Variants in OSBPL5 observed in about 807,000 individuals in gnomAD.
OSBPL5 encodes the protein oxysterol binding protein like 5.
OSBPL5 carries 71 observed loss-of-function variants against 111.2 expected under a neutral mutation model. That is an observed-to-expected ratio of 0.64 (90% CI 0.53 to 0.78). OSBPL5 has a LOEUF of 0.78. Ranked by LOEUF, OSBPL5 falls within the 30% of genes least tolerant of loss-of-function variation. The pLI is 0.00. For synonymous variants in OSBPL5, 549 were observed against 513.9 expected (o/e 1.07, Z -0.93); for missense variants, 1,210 against 1,189.3 (o/e 1.02, Z -0.26).
rs376324312 is a variant in OSBPL5, at chr11:3,090,545, C to T, written c.2398+13G>A. On this transcript the variant is annotated intron_variant, in intron 20 of 21. Coordinates refer to ENST00000263650, the MANE Select transcript of OSBPL5 (RefSeq NM_020896.4). ...CAGACAGAGGCCTTGGGGCTGGGCC[C>T]AAGGGGGCTCACCAGGGACAAAGTC... The T allele has an allele frequency of 2.8e-5, 45 of 1,611,404 alleles. No individual in the cohort carries two copies. The African/African-American group carries it at 5.5e-4, about 20-fold the overall frequency.
At chr11:3,138,244 C>T (rs1405827877) in intron 1 of OSBPL5, among the ~76,000 whole-genome samples, 1 of 152,230 alleles carries the variant, frequency 6.6e-6, no homozygotes, top group Non-Finnish European at 1.5e-5. Flanking sequence ...TAGTCGATCA[C>T]TCCACCAGCC....
rs1184944467 is a variant in OSBPL5 at position 3,161,879 on chromosome 11, C to A, written c.-22+3337G>T. 6.6e-6 allele frequency among the ~76,000 whole-genome samples: 1 copy of A among 151,710 alleles called. No homozygotes were observed. Among genetic ancestry groups the A allele is most frequent in the Non-Finnish European group, 1.5e-5 (1 of 67,978 alleles). Reference sequence around the variant, plus strand: ...AGATGGAGCCCACCAAATGCAGATCCAAGGAGGGGCCGAAAGCAGAGGCAC... The same window carrying A: ...AGATGGAGCCCACCAAATGCAGATCAAAGGAGGGGCCGAAAGCAGAGGCAC... On this transcript the variant is annotated intron_variant, in intron 1 of 21. Coordinates refer to ENST00000263650, the MANE Select transcript of OSBPL5 (RefSeq NM_020896.4). This position sits in a 1 kb window ranked among gnomAD's most constrained non-coding sequence, Gnocchi z 8.0.
intron 14 of OSBPL5, among the ~76,000 whole-genome samples, chr11:3,098,465 A>C (rs1375216596): frequency 8.6e-6 from 1 of 115,718 alleles, no homozygotes; most frequent in Non-Finnish European, 1.9e-5. Flanking sequence ...AGAAATCCAG[A>C]GCTATCAAGC....
intron 1 of OSBPL5, among the ~76,000 whole-genome samples, chr11:3,157,933 GCACCCTTGGGTGCCAGT>G (rs1410743946): frequency 6.6e-6 from 1 of 152,260 alleles, no homozygotes; most frequent in South Asian, 2.1e-4. Flanking sequence ...CTGGGGCCAA[GCACCCTTGGGTGCCAGT>G]CACCAACAGA....
At chr11:3,123,311 C>T (rs1020379294) in intron 3 of OSBPL5, among the ~76,000 whole-genome samples, 2 of 152,132 alleles carry the variant, frequency 1.3e-5, no homozygotes, top group African/African-American at 2.4e-5. Flanking sequence ...CCTCCTTCCG[C>T]GTGGTCTGCA....
Position 3,092,663 on chromosome 11 carries a change from G to A in OSBPL5, c.2133-105C>T, listed in dbSNP as rs1429999872. 1.4e-6 allele frequency: 2 copies of A among 1,417,744 alleles called. No individual in the cohort carries two copies. Among genetic ancestry groups the A allele is most frequent in the Non-Finnish European group, 9.4e-7 (1 of 1,064,288 alleles). The allele number at this position is 1,417,744 out of a possible 1,614,324, so 87.8% of individuals were successfully genotyped here. ...CCCAACAGTGGCCAGAGACCTCCAG[G>A]AGAATGACCACTGCCCACACCCCAT... On this transcript the variant is annotated intron_variant, in intron 18 of 21. Transcript: ENST00000263650. The surrounding 1 kb of genome is among the most constrained non-coding windows in gnomAD (Gnocchi z 5.4).
At chr11:3,090,050 C>A in intron 20 of OSBPL5, 102 bp from the exon 21 acceptor site, 2 of 834,298 alleles carry the variant, frequency 2.4e-6, no homozygotes, top group Non-Finnish European at 3.6e-6. Flanking sequence ...ATATCCAGCT[C>A]GGGCCTCCAC....
rs549324923 is a variant in OSBPL5, at chr11:3,120,550, C to A, written c.477G>T (p.Thr159=). 1 of 1,613,308 alleles carries A rather than the reference C, an allele frequency of 6.2e-7. No individual in the cohort carries two copies. The highest frequency in any genetic ancestry group is 8.5e-7 in the Non-Finnish European group (1 of 1,180,024). ...LKPGVLLIYK[T]PKVGQWVGTV... ...TGCCCACCCACTGGCCCACCTTGGG[C>A]GTCTTGTAGATGAGCAGCACCCCCG... Residue 159 remains threonine, a synonymous_variant, in exon 6 of 22, where the codon ACG becomes ACT. Transcript: ENST00000263650.
At position 3,107,757 on chromosome 11, in the gene OSBPL5, C is replaced by T. The variant is rs1430440368; in HGVS notation, c.866+14G>A. ...GTGAATCACCACCAGCCCCTGTGCC[C>T]TCGCCCCACTCACGGGAACAGGTCT... On this transcript the variant is annotated intron_variant, in intron 8 of 21. Coordinates refer to ENST00000263650, the MANE Select transcript of OSBPL5 (RefSeq NM_020896.4). This position sits in a 1 kb window ranked among gnomAD's most constrained non-coding sequence, Gnocchi z 6.1. 2 of 1,610,014 alleles carry T rather than the reference C, an allele frequency of 1.2e-6. No individual in the cohort carries two copies. Among genetic ancestry groups the T allele is most frequent in the Non-Finnish European group, 1.7e-6 (2 of 1,179,744 alleles).
At chr11:3,152,473 C>G (rs1846621217) in intron 1 of OSBPL5, among the ~76,000 whole-genome samples, 1 of 152,166 alleles carries the variant, frequency 6.6e-6, no homozygotes, top group Non-Finnish European at 1.5e-5. Flanking sequence ...GTGGGGCCCA[C>G]AGGAGAAGGC....
Position 3,105,447 on chromosome 11 carries a change from T to A in OSBPL5, c.1060-1070A>T, listed in dbSNP as rs1347217786. Among the ~76,000 whole-genome samples the A allele has an allele frequency of 1.3e-5, 2 of 152,154 alleles. No individual in the cohort carries two copies. The highest frequency in any genetic ancestry group is 3.9e-4 in the East Asian group (2 of 5,194). ...CCATGAGGGGTCATGGGGAGCCCAGTGCTGTAGCTTTGGGGCTTGGAAATC... is the reference window on the plus strand; with the variant it reads ...CCATGAGGGGTCATGGGGAGCCCAGAGCTGTAGCTTTGGGGCTTGGAAATC... On this transcript the variant is annotated intron_variant, in intron 9 of 21. Coordinates refer to ENST00000263650, the MANE Select transcript of OSBPL5 (RefSeq NM_020896.4). This position sits in a 1 kb window ranked among gnomAD's most constrained non-coding sequence, Gnocchi z 5.2.
rs1328046216 is a variant in OSBPL5 at position 3,121,545 on chromosome 11, C to T, written c.402+452G>A. Reference sequence around the variant, plus strand: ...GTTGCCCAGCAGCCTCGGAGTTGGGCAGTTTTACCTCCACTGTACACAAGG... The same window carrying T: ...GTTGCCCAGCAGCCTCGGAGTTGGGTAGTTTTACCTCCACTGTACACAAGG... On this transcript the variant is annotated intron_variant, in intron 5 of 21. Coordinates refer to ENST00000263650, the MANE Select transcript of OSBPL5 (RefSeq NM_020896.4). This position sits in a 1 kb window ranked among gnomAD's most constrained non-coding sequence, Gnocchi z 4.3. Among the ~76,000 whole-genome samples the T allele has an allele frequency of 6.6e-6, 1 of 152,064 alleles. No individual in the cohort carries two copies. Among genetic ancestry groups the T allele is most frequent in the Non-Finnish European group, 1.5e-5 (1 of 68,026 alleles).
At chr11:3,131,822 CATCT>C (rs1845806841) in intron 1 of OSBPL5, among the ~76,000 whole-genome samples, 1 of 145,112 alleles carries the variant, frequency 6.9e-6, no homozygotes, top group Admixed American at 6.8e-5. Context: ...TCCATCCATC[CATCT>C]ACCCACTCAT....
intron 12 of OSBPL5, 107 bp downstream of exon 12, chr11:3,102,076 G>A (rs542388211): frequency 6.1e-4 from 716 of 1,178,596 alleles, no homozygotes; most frequent in African/African-American, 4.4e-3. Context: ...CTGGAAGCCG[G>A]CCCTCGGGGT....
In OSBPL5 at chr11:3,154,322, C is replaced by T. The variant is rs1478372628; in HGVS notation, c.-22+10894G>A. Among the ~76,000 whole-genome samples the T allele has an allele frequency of 6.6e-6, 1 of 152,232 alleles. No homozygotes were observed. The highest frequency in any genetic ancestry group is 1.5e-5 in the Non-Finnish European group (1 of 68,046). On this transcript the variant is annotated intron_variant, in intron 1 of 21. Coordinates refer to ENST00000263650, the MANE Select transcript of OSBPL5 (RefSeq NM_020896.4). This position sits in a 1 kb window ranked among gnomAD's most constrained non-coding sequence, Gnocchi z 4.9. Reference sequence around the variant, plus strand: ...GAGGGCTTGCTGACCCCAAACATGCCGAGTCACCCACATCCTGGCCTCCCC... The same window carrying T: ...GAGGGCTTGCTGACCCCAAACATGCTGAGTCACCCACATCCTGGCCTCCCC...
At position 3,149,346 on chromosome 11, in the gene OSBPL5, C is replaced by T. The variant is rs572842938; in HGVS notation, c.-22+15870G>A. 4.7e-4 allele frequency among the ~76,000 whole-genome samples: 71 copies of T among 152,344 alleles called. No individual in the cohort carries two copies. The East Asian group carries it at 0.01, about 22-fold the overall frequency. On this transcript the variant is annotated intron_variant, in intron 1 of 21. Transcript: ENST00000263650. ...GCCCTTTGGGAGACCTCCCAGCACCCCTACCCTATCTGGTGGCCAGGAAAG... is the reference window on the plus strand; with the variant it reads ...GCCCTTTGGGAGACCTCCCAGCACCTCTACCCTATCTGGTGGCCAGGAAAG...
At position 3,092,602 on chromosome 11, in the gene OSBPL5, C is replaced by A; in HGVS notation, c.2133-44G>T. 1 of 1,529,304 alleles carries A rather than the reference C, an allele frequency of 6.5e-7. No individual in the cohort carries two copies. The highest frequency in any genetic ancestry group is 2.4e-5 in the East Asian group (1 of 41,706). 94.7% of individuals were successfully genotyped at this position (1,529,304 alleles called of 1,614,324 possible). A position where few individuals can be genotyped will look rare whatever the true frequency, so the allele number is the denominator to read the frequency against. ...GTTCATCAGCACAGGCAGTGGCCCTCAGGTGAGGGGGCTGTCCTGGCCCAG... is the reference window on the plus strand; with the variant it reads ...GTTCATCAGCACAGGCAGTGGCCCTAAGGTGAGGGGGCTGTCCTGGCCCAG... On this transcript the variant is annotated intron_variant, in intron 18 of 21. Coordinates refer to ENST00000263650, the MANE Select transcript of OSBPL5 (RefSeq NM_020896.4). The surrounding 1 kb of genome is among the most constrained non-coding windows in gnomAD (Gnocchi z 5.4).
intron 1 of OSBPL5, among the ~76,000 whole-genome samples, chr11:3,153,758 G>A (rs1846662433): frequency 1.3e-5 from 2 of 152,404 alleles, no homozygotes; most frequent in South Asian, 2.1e-4. Context: ...CTGCCGGGAA[G>A]CACAGCCCCA....
intron 3 of OSBPL5, among the ~76,000 whole-genome samples, chr11:3,123,837 A>T (rs769444470): frequency 4.6e-5 from 7 of 152,082 alleles, no homozygotes; most frequent in Non-Finnish European, 1.0e-4. Flanking sequence ...TCCCTATTTT[A>T]TTTCTGTGCC....
Sources: allele counts gnomAD v4.1 joint callset (sites outside exome capture counted in the v4.1 genomes callset), GRCh38; gene constraint gnomAD v4.1.1; non-coding constraint Gnocchi (gnomAD v3.1); transcripts MANE v1.5; gene names NCBI Gene and HGNC (gene_info 2026-07-23, HGNC 2026-07-21).